AAAS: variants seen among roughly 807,000 people sequenced by gnomAD.
AAAS encodes the protein aladin WD repeat nucleoporin.
Under a neutral mutation model 75.6 loss-of-function variants are expected in AAAS, and 60 were observed. The observed-to-expected ratio is 0.79, with a 90% CI of 0.64 to 0.98. The LOEUF is 0.98. Ranked by LOEUF, AAAS falls within the 50% of genes least tolerant of loss-of-function variation. AAAS has a pLI of 0.00. For synonymous variants in AAAS, 271 were observed against 265.0 expected, an observed-to-expected ratio of 1.02 and a Z score of -0.22; for missense variants, 658 against 686.9, an observed-to-expected ratio of 0.96 and a Z score of 0.47.
At chr12:53,320,497 A>G in intron 2 of AAAS, 68 bp downstream of exon 2, 1 of 1,597,190 alleles carries the variant, frequency 6.3e-7, no homozygotes, top group Admixed American at 1.7e-5. Context: ...ACCCCAAGGT[A>G]AAGGGGTGTT....
chr12:53,308,858 T>A, intron 10 of AAAS, 43 bp from the exon 11 acceptor site: 1 of 1,613,320 alleles, frequency 6.2e-7, no homozygotes, highest in Non-Finnish European at 8.5e-7. Flanking sequence ...ATGTCTATAG[T>A]AGAATGCAGG....
rs1248892578 is a variant in AAAS at position 53,309,265 on chromosome 12, G to C, written c.827C>G (p.Thr276Arg). The change falls in exon 9 of 16, where the codon ACA (threonine) becomes AGA (arginine). Residue 276 changes from threonine to arginine, a missense_variant. Physicochemically the swap from Thr to Arg is moderately conservative, Grantham distance 71. Transcript: ENST00000209873. ...DAAIRVWDVS[T>R]ETCVPLPWFR... ...CCAGGGAAGGGGGACACAGGTCTCTGTTGAGACATCCCATACCTAGGAGAG... is the reference window on the plus strand; with the variant it reads ...CCAGGGAAGGGGGACACAGGTCTCTCTTGAGACATCCCATACCTAGGAGAG... 1 of 1,614,034 alleles carries C rather than the reference G, an allele frequency of 6.2e-7. No homozygotes were observed. The highest frequency in any genetic ancestry group is 1.7e-5 in the Admixed American group (1 of 60,012).
rs755519160 is a variant in AAAS, at chr12:53,309,602, C to T, written c.809G>A (p.Arg270Gln). The stretch of plus-strand genomic sequence containing the variant: ...CATGAGGGGCAGGGACCCACTCACC[C>T]GGATAGCAGCATCCACGGGTGAAGC... ...LSASPVDAAI[R>Q]VWDVSTETCV... is the part of the protein sequence containing the mutation. Residue 270 changes from arginine to glutamine, a missense_variant and splice_region_variant, in exon 8 of 16, where the codon CGG (arginine) becomes CAG (glutamine). By Grantham distance (43) the Arg-to-Gln change is conservative. Transcript: ENST00000209873. The T allele has an allele frequency of 2.5e-6, 4 of 1,613,708 alleles. No homozygotes were observed. The South Asian group carries it at 3.3e-5, about 13-fold the overall frequency.
Position 53,308,042 on chromosome 12 carries a change from T to C in AAAS, c.1331+10A>G. 1.9e-6 allele frequency: 3 copies of C among 1,614,074 alleles called. No homozygotes were observed. The highest frequency in any genetic ancestry group is 2.5e-6 in the Non-Finnish European group (3 of 1,179,926). ...AGAAGTCCAGACCTAAGGGCCCACA[T>C]GGCACTTACCAGGGAAGGAGCTCAA... is the stretch of plus-strand genomic sequence containing the variant. On this transcript the variant is annotated intron_variant, in intron 14 of 15. Transcript: ENST00000209873.
At position 53,314,456 on chromosome 12, in the gene AAAS, C is replaced by T; in HGVS notation, c.546-15G>A. ...GGACTATGGTGCTAGGGTGAAGGGG[C>T]AGGAAACTGAGTCAAGGCAGGAACA... On this transcript the variant is annotated splice_polypyrimidine_tract_variant and intron_variant, in intron 6 of 15. Transcript: ENST00000209873. 6.2e-7 allele frequency: 1 copy of T among 1,613,710 alleles called. No individual in the cohort carries two copies. The highest frequency in any genetic ancestry group is 8.5e-7 in the Non-Finnish European group (1 of 1,179,992).
chr12:53,308,114 A>G lies in AAAS; in HGVS notation c.1269T>C (p.Asp423=), dbSNP rs1032357141. The change falls in exon 14 of 16, where the codon GAT becomes GAC. Residue 423 remains aspartate (D), a synonymous_variant. Coordinates refer to ENST00000209873, the MANE Select transcript of AAAS (RefSeq NM_015665.6). ...VLMKGKPRVQ[D]GKPVILLFRT... The stretch of plus-strand genomic sequence containing the variant: ...GAAAAAGGAGGATGACTGGTTTACC[A>G]TCCTGTACCCTTGGCTTTCCTGTAA... 6.2e-7 allele frequency: 1 copy of G among 1,614,088 alleles called. No homozygotes were observed. The highest frequency in any genetic ancestry group is 1.3e-5 in the African/African-American group (1 of 74,940).
Position 53,316,671 on chromosome 12 carries a change from G to A in AAAS, c.252-889C>T, listed in dbSNP as rs528667354. ...AGCTACTCCATAGGCTGAGGCAGGA[G>A]AATCGCCTGAACCCGGGAGGTGGCG... is the stretch of plus-strand genomic sequence containing the variant. On this transcript the variant is annotated intron_variant, in intron 2 of 15. Coordinates refer to ENST00000209873, the MANE Select transcript of AAAS (RefSeq NM_015665.6). Among the ~76,000 whole-genome samples, 4 of 138,554 alleles carry A rather than the reference G, an allele frequency of 2.9e-5. No individual in the cohort carries two copies. In the East Asian group the frequency reaches 8.8e-4, roughly 31 times the overall value. The allele number at this position is 138,554 out of a possible 152,430, so 90.9% of individuals were successfully genotyped here.
intron 7 of AAAS, among the ~76,000 whole-genome samples, chr12:53,313,907 C>T (rs1944427825): frequency 6.6e-6 from 1 of 152,196 alleles, no homozygotes; most frequent in African/African-American, 2.4e-5. Context: ...CCGCACCCAG[C>T]TTAGTCATAA....
Position 53,314,295 on chromosome 12 carries a change from T to C in AAAS, c.689+3A>G, listed in dbSNP as rs1260889386. 6.1e-5 allele frequency: 99 copies of C among 1,614,016 alleles called. No individual in the cohort carries two copies. Among genetic ancestry groups the C allele is most frequent in the Non-Finnish European group, 8.1e-5 (96 of 1,180,020 alleles). Reference sequence around the variant, plus strand: ...CAAGGTAAGGCAGGCTACTAGGACTTACCGGGTAGACAAGGAGGTAGGGTC... The same window carrying C: ...CAAGGTAAGGCAGGCTACTAGGACTCACCGGGTAGACAAGGAGGTAGGGTC... On this transcript the variant is annotated splice_donor_region_variant and intron_variant, in intron 7 of 15. Coordinates refer to ENST00000209873, the MANE Select transcript of AAAS (RefSeq NM_015665.6).
At chr12:53,318,902 G>A (rs180726118) in intron 2 of AAAS, among the ~76,000 whole-genome samples, 1 of 152,200 alleles carries the variant, frequency 6.6e-6, no homozygotes, top group African/African-American at 2.4e-5. Context: ...CACAGAAGTA[G>A]GAGACAAGGA....
At chr12:53,318,249 T>TGTGTGTGCGCGC (rs1307873736) in intron 2 of AAAS, among the ~76,000 whole-genome samples, 1 of 140,758 alleles carries the variant, frequency 7.1e-6, no homozygotes, top group African/African-American at 2.9e-5. Flanking sequence ...TGTGTGCGTG[T>TGTGTGTGCGCGC]GTGTGTGTGT....
At chr12:53,315,285 A>G in intron 4 of AAAS, 50 bp downstream of exon 4, 2 of 1,605,410 alleles carry the variant, frequency 1.2e-6, no homozygotes, top group Non-Finnish European at 1.7e-6. Flanking sequence ...AGGGCAGAGT[A>G]GGATGGGGAC....
intron 7 of AAAS, among the ~76,000 whole-genome samples, chr12:53,313,210 T>C (rs1485588917): frequency 8.0e-6 from 1 of 124,404 alleles, no homozygotes; most frequent in East Asian, 2.6e-4. Context: ...CAGACCAGAG[T>C]ACAGCTGTAG....
chr12:53,312,436 G>GTGCC (rs1198504105), intron 7 of AAAS, among the ~76,000 whole-genome samples: 1 of 150,502 alleles, frequency 6.6e-6, no homozygotes, highest in Non-Finnish European at 1.5e-5. Flanking sequence ...TAGCTAGTGC[G>GTGCC]TGCCTGTAGT....
Position 53,307,480 on chromosome 12 carries a change from T to C in AAAS, c.*9A>G. On this transcript the variant is annotated 3_prime_UTR_variant, in exon 16 of 16. Coordinates refer to ENST00000209873, the MANE Select transcript of AAAS (RefSeq NM_015665.6). ...CTGAGTGGAAAACAAAAGGAAAACT[T>C]ATTTATTCTTAGAGGTGGGAATGTG... is the stretch of plus-strand genomic sequence containing the variant. The C allele has an allele frequency of 6.2e-7, 1 of 1,606,636 alleles. No individual in the cohort carries two copies. Among genetic ancestry groups the C allele is most frequent in the Non-Finnish European group, 8.5e-7 (1 of 1,174,492 alleles).
In AAAS at chr12:53,309,249, G is replaced by A. The variant is rs145196232; in HGVS notation, c.843C>T (p.Pro281=). 2 of 1,613,942 alleles carry A rather than the reference G, an allele frequency of 1.2e-6. No individual in the cohort carries two copies. The highest frequency in any genetic ancestry group is 1.3e-5 in the African/African-American group (1 of 74,902). Residue 281 remains proline, a synonymous_variant, in exon 9 of 16, where the codon CCC becomes CCT. Transcript: ENST00000209873. ...VWDVSTETCV[P]LPWFRGGGVT... Reference sequence around the variant, plus strand: ...CCCCACCTCCTCGGAACCAGGGAAGGGGGACACAGGTCTCTGTTGAGACAT... The same window carrying A: ...CCCCACCTCCTCGGAACCAGGGAAGAGGGACACAGGTCTCTGTTGAGACAT...
Position 53,321,470 on chromosome 12 carries a change from C to A in AAAS, c.-5G>T. The A allele has an allele frequency of 6.2e-7, 1 of 1,614,016 alleles. No individual in the cohort carries two copies. The highest frequency in any genetic ancestry group is 8.5e-7 in the Non-Finnish European group (1 of 1,179,994). On this transcript the variant is annotated 5_prime_UTR_variant, in exon 1 of 16. Transcript: ENST00000209873. ...GAACAACCCCAGAGAGCACATCTTG[C>A]CGGTTCGCAGGACGTCTGCAGTCGG... is the stretch of plus-strand genomic sequence containing the variant.
chr12:53,309,891 G>C, intron 7 of AAAS, 170 bp from the exon 8 acceptor site: 1 of 1,091,684 alleles, frequency 9.2e-7, no homozygotes, highest in Non-Finnish European at 1.3e-6. Flanking sequence ...AAAAAACAGC[G>C]AAGGGGAAAA....
At chr12:53,318,609 A>G (rs1325611640) in intron 2 of AAAS, among the ~76,000 whole-genome samples, 1 of 152,198 alleles carries the variant, frequency 6.6e-6, no homozygotes, top group Non-Finnish European at 1.5e-5. Context: ...GGATTCAACC[A>G]TCTATCTACC....
Sources: allele counts gnomAD v4.1 joint callset (sites outside exome capture counted in the v4.1 genomes callset), GRCh38; gene constraint gnomAD v4.1.1; transcripts MANE v1.5; gene names NCBI Gene and HGNC (gene_info 2026-07-23, HGNC 2026-07-21).